Variants in UNC79 observed in about 807,000 individuals in gnomAD.
The protein encoded by UNC79 is unc-79 subunit of NALCN channel complex, also known as protein unc-79 homolog.
A neutral mutation model predicts 283.1 loss-of-function variants in UNC79; 37 were observed. The observed-to-expected ratio is 0.13, with a 90% CI of 0.10 to 0.17. The LOEUF (loss-of-function observed/expected upper bound fraction) is 0.17. Ranked by LOEUF, UNC79 falls within the 10% of genes least tolerant of loss-of-function variation. UNC79 has a pLI of 1.00. For missense variants in UNC79, 2,272 were observed against 3,211.1 expected (o/e 0.71, Z 7.07); for synonymous variants, 1,107 against 1,200.2 (o/e 0.92, Z 1.61).
At chr14:93,695,601 G>A (rs2075038462) in intron 47 of UNC79, among the ~76,000 whole-genome samples, 1 of 151,932 alleles carries the variant, frequency 6.6e-6, no homozygotes, top group Admixed American at 6.6e-5. Context: ...ACCTCCAAAA[G>A]TTTTTTCAGG....
chr14:93,442,317 G>C (rs568272061), intron 1 of UNC79, among the ~76,000 whole-genome samples: 1 of 151,876 alleles, frequency 6.6e-6, no homozygotes, highest in Non-Finnish European at 1.5e-5. Context: ...GATCCCTATC[G>C]TACACATGTT....
chr14:93,437,224 C>G (rs1021446269), intron 1 of UNC79, among the ~76,000 whole-genome samples: 1 of 152,062 alleles, frequency 6.6e-6, no homozygotes, highest in Admixed American at 6.6e-5. Context: ...GAATCTTAAG[C>G]TCTCCAGGAA....
intron 3 of UNC79, among the ~76,000 whole-genome samples, chr14:93,476,855 A>G (rs1298213239): frequency 3.3e-5 from 5 of 152,214 alleles, no homozygotes; most frequent in Non-Finnish European, 4.4e-5. Flanking sequence ...AACTGTTAAT[A>G]TTAGTAATAA....
chr14:93,494,269 C>G (rs1313407526), intron 5 of UNC79, among the ~76,000 whole-genome samples: 1 of 152,098 alleles, frequency 6.6e-6, no homozygotes, highest in African/African-American at 2.4e-5. Flanking sequence ...GGTGCTAAAC[C>G]ATTCATGAAG....
chr14:93,519,147 C>A (rs995614613), intron 7 of UNC79, among the ~76,000 whole-genome samples: 1 of 151,744 alleles, frequency 6.6e-6, no homozygotes, highest in Non-Finnish European at 1.5e-5. Flanking sequence ...TTCAGTTATG[C>A]TTCTTTCAAT....
chr14:93,606,906 T>C (rs1281615465), intron 26 of UNC79, among the ~76,000 whole-genome samples: 3 of 152,220 alleles, frequency 2.0e-5, no homozygotes, highest in Non-Finnish European at 2.9e-5. Context: ...TAGTGATGTG[T>C]TAACAATCTC....
chr14:93,563,162 T>C (rs191691031), intron 14 of UNC79, among the ~76,000 whole-genome samples: 1 of 152,230 alleles, frequency 6.6e-6, no homozygotes, highest in African/African-American at 2.4e-5. Flanking sequence ...AAGAGATTGA[T>C]AGGTGGAAGT....
chr14:93,574,602 A>G (rs1048693622), intron 16 of UNC79, among the ~76,000 whole-genome samples: 6 of 152,246 alleles, frequency 3.9e-5, no homozygotes, highest in African/African-American at 1.4e-4. Context: ...CTGAAGGAAG[A>G]AGGCATTTTT....
Position 93,474,489 on chromosome 14 carries a change from C to A in UNC79, c.448+96C>A. The A allele has an allele frequency of 7.3e-7, 1 of 1,369,416 alleles. No homozygotes were observed. The highest frequency in any genetic ancestry group is 9.7e-7 in the Non-Finnish European group (1 of 1,025,916). 84.8% of individuals were successfully genotyped at this position (1,369,416 alleles called of 1,614,324 possible). ...GCTTGGAGATGGTCACTGTTGTAAT[C>A]AATCACCTGAAAGGGCTTTGTGTGG... On this transcript the variant is annotated intron_variant, in intron 3 of 48. Coordinates refer to ENST00000555664, the Ensembl canonical transcript of UNC79. This position sits in a 1 kb window ranked among gnomAD's most constrained non-coding sequence, Gnocchi z 4.1.
At chr14:93,687,515 A>T (rs1160862345) in intron 43 of UNC79, among the ~76,000 whole-genome samples, 3 of 152,168 alleles carry the variant, frequency 2.0e-5, no homozygotes, top group African/African-American at 7.2e-5. Context: ...CCTTTTTGAT[A>T]ATTAGGAGCT....
intron 4 of UNC79, among the ~76,000 whole-genome samples, chr14:93,478,663 C>G (rs2057940975): frequency 2.0e-5 from 3 of 152,168 alleles, no homozygotes; most frequent in Admixed American, 2.0e-4. Flanking sequence ...TAACTTGGAA[C>G]ATTGGTAAAA....
At chr14:93,512,690 T>A (rs2059884151) in intron 7 of UNC79, among the ~76,000 whole-genome samples, 1 of 152,178 alleles carries the variant, frequency 6.6e-6, no homozygotes, top group South Asian at 2.1e-4. Context: ...ATATATGCTA[T>A]CTTTTCTAAT....
intron 40 of UNC79, among the ~76,000 whole-genome samples, chr14:93,663,450 A>G (rs965507710): frequency 6.6e-6 from 1 of 152,154 alleles, no homozygotes; most frequent in African/African-American, 2.4e-5. Flanking sequence ...CTTGTTTTCA[A>G]TGGGTCTCTG....
intron 1 of UNC79, among the ~76,000 whole-genome samples, chr14:93,343,250 T>A (rs984197342): frequency 6.6e-6 from 1 of 152,222 alleles, no homozygotes; most frequent in Non-Finnish European, 1.5e-5. Flanking sequence ...GTTTAATTGA[T>A]TCATAGTTCT....
intron 1 of UNC79, among the ~76,000 whole-genome samples, chr14:93,464,981 A>G (rs2057110495): frequency 6.6e-6 from 1 of 152,234 alleles, no homozygotes; most frequent in Non-Finnish European, 1.5e-5. Context: ...TGGATGTTAA[A>G]TCTATTACTG....
At chr14:93,451,068 A>G (rs1332164515) in intron 1 of UNC79, among the ~76,000 whole-genome samples, 1 of 151,442 alleles carries the variant, frequency 6.6e-6, no homozygotes, top group Non-Finnish European at 1.5e-5. Context: ...ACAGCACAAC[A>G]GCGTTCATTT....
At chr14:93,656,496 T>TA (rs1186495529) in intron 38 of UNC79, among the ~76,000 whole-genome samples, 3 of 150,576 alleles carry the variant, frequency 2.0e-5, no homozygotes, top group East Asian at 1.9e-4. Context: ...CTCTGTCTCT[T>TA]AAAAAAAATT....
At chr14:93,487,111 GAT>G (rs1288950946) in intron 4 of UNC79, among the ~76,000 whole-genome samples, 2 of 152,068 alleles carry the variant, frequency 1.3e-5, no homozygotes, top group Non-Finnish European at 2.9e-5. Flanking sequence ...ACTGTTTAAT[GAT>G]ATGTGAAAAT....
In UNC79 at chr14:93,487,696, A is replaced by G. The variant is rs752623414; in HGVS notation, c.653A>G (p.His218Arg). Residue 218 changes from histidine (H) to arginine (R), a missense_variant, in exon 5 of 49, where the codon CAT becomes CGT. His to Arg is a conservative substitution (Grantham distance 29). Around this residue, in one of 11 missense-constraint regions of UNC79, gnomAD observed 194 missense variants for 268.9 expected, o/e 0.72. Coordinates refer to ENST00000555664, the Ensembl canonical transcript of UNC79. ...TCAAGGAGAGAAGGTGTACCTGCCC[A>G]TGTTAACCTCTCTGCATCATCCATG... The G allele has an allele frequency of 3.1e-6, 5 of 1,614,068 alleles. No individual in the cohort carries two copies. In the East Asian group the frequency reaches 8.9e-5, roughly 29 times the overall value.
Sources: gnomAD v4.1 joint callset for allele counts (sites outside exome capture counted in the v4.1 genomes callset) on GRCh38, gnomAD v4.1.1 for gene constraint, gnomAD v4.1.1 regional missense constraint, Gnocchi (gnomAD v3.1) non-coding constraint, MANE v1.5 for transcripts, NCBI Gene and HGNC (gene_info 2026-07-23, HGNC 2026-07-21) for gene names.